ANGEL2: variants seen among roughly 807,000 people sequenced by gnomAD.
ANGEL2 encodes RNA 2',3'-cyclic phosphatase ANGEL2.
A neutral mutation model predicts 66.0 loss-of-function variants in ANGEL2; 41 were observed. That is an observed-to-expected ratio of 0.62 (90% confidence interval 0.48 to 0.81). ANGEL2 has a LOEUF of 0.81. ANGEL2 is among the 30% of genes least tolerant of loss of function. The pLI, the probability that ANGEL2 is intolerant of heterozygous loss-of-function variation, is 0.00. For synonymous variants in ANGEL2, 208 were observed against 226.5 expected, an observed-to-expected ratio of 0.92 and a Z score of 0.73; for missense variants, 561 against 641.6, an observed-to-expected ratio of 0.87 and a Z score of 1.36.
chr1:213,005,322 T>A lies in ANGEL2; in HGVS notation c.845A>T (p.Asp282Val). 1 of 1,614,218 alleles carries A rather than the reference T, an allele frequency of 6.2e-7. No homozygotes were observed. The highest frequency in any genetic ancestry group is 8.5e-7 in the Non-Finnish European group (1 of 1,180,040). ...EFFRPDISLL[D>V]RDNVGLVLLL... Reference sequence around the variant, plus strand: ...TAAAACTAATCCAACATTGTCTCTGTCCAACAGAGAAATATCAGGGCGGAA... The same window carrying A: ...TAAAACTAATCCAACATTGTCTCTGACCAACAGAGAAATATCAGGGCGGAA... Residue 282 changes from aspartate (D) to valine (V), a missense_variant, in exon 5 of 9, where the codon GAC becomes GTC. Physicochemically the swap from Asp to Val is radical, Grantham distance 152. Transcript: ENST00000366962.
chr1:213,003,990 G>A (rs1346436121), intron 5 of ANGEL2, among the ~76,000 whole-genome samples: 3 of 152,080 alleles, frequency 2.0e-5, no homozygotes, highest in African/African-American at 7.2e-5. Context: ...GGTCACCTAA[G>A]GTTGGGAGTT....
intron 2 of ANGEL2, among the ~76,000 whole-genome samples, chr1:213,009,553 A>G (rs1213282507): frequency 1.3e-5 from 2 of 152,202 alleles, no homozygotes; most frequent in African/African-American, 2.4e-5. Flanking sequence ...AATTCCACCA[A>G]TCAAAAATTA....
chr1:213,013,063 T>C (rs752654298), intron 2 of ANGEL2, 30 bp downstream of exon 2: 1 of 1,591,752 alleles, frequency 6.3e-7, no homozygotes, highest in Non-Finnish European at 8.6e-7. Flanking sequence ...CTTGTATCTA[T>C]TTCTACACCA....
rs1257009913 is a variant in ANGEL2, at chr1:213,005,151, T to C, written c.1016A>G (p.Lys339Arg). ...AACAATAGGGCAGAAGCTGCCATCT[T>C]TCTGGTGGGCAACACTGGAAATCTC... The part of the protein sequence containing the change: ...LAEISSVAHQ[K>R]DGSFCPIVMC... Residue 339 changes from lysine to arginine, a missense_variant, in exon 5 of 9, where the codon AAA (lysine) becomes AGA (arginine). By Grantham distance (26) the Lys-to-Arg change is conservative. Transcript: ENST00000366962. 6.2e-7 allele frequency: 1 copy of C among 1,614,206 alleles called. No individual in the cohort carries two copies. Among genetic ancestry groups the C allele is most frequent in the Non-Finnish European group, 8.5e-7 (1 of 1,180,036 alleles).
At chr1:213,010,200 C>G (rs1356800288) in intron 2 of ANGEL2, among the ~76,000 whole-genome samples, 1 of 152,134 alleles carries the variant, frequency 6.6e-6, no homozygotes. Context: ...AATCCTACCC[C>G]CAATGGCTCA....
At chr1:213,011,711 G>A (rs756602742) in intron 2 of ANGEL2, among the ~76,000 whole-genome samples, 6 of 152,174 alleles carry the variant, frequency 3.9e-5, no homozygotes, top group Non-Finnish European at 5.9e-5. Context: ...ATAATTAGTG[G>A]TGGGGCAGAA....
chr1:213,011,356 A>G, intron 2 of ANGEL2: 1 of 1,182,244 alleles, frequency 8.5e-7, no homozygotes, highest in East Asian at 6.5e-5. Context: ...CTTTAAAGTG[A>G]TAGGCAAGTT....
At chr1:213,004,547 G>A (rs2076265780) in intron 5 of ANGEL2, among the ~76,000 whole-genome samples, 2 of 151,434 alleles carry the variant, frequency 1.3e-5, no homozygotes, top group African/African-American at 4.9e-5. Context: ...AGATGAAAAA[G>A]ATATAAATCA....
At chr1:213,015,563 T>G in intron 1 of ANGEL2, 50 bp downstream of exon 1, 1 of 1,599,340 alleles carries the variant, frequency 6.3e-7, no homozygotes, top group Non-Finnish European at 8.5e-7. Flanking sequence ...GCCCGCTCTT[T>G]CAGGCCGCCC....
At chr1:213,010,428 C>T (rs1037951167) in intron 2 of ANGEL2, among the ~76,000 whole-genome samples, 8 of 151,968 alleles carry the variant, frequency 5.3e-5, no homozygotes, top group Non-Finnish European at 8.8e-5. Context: ...AAAATTTAGC[C>T]GGGCGTGGTG....
intron 5 of ANGEL2, among the ~76,000 whole-genome samples, chr1:213,004,519 C>G (rs886933600): frequency 2.6e-5 from 4 of 151,414 alleles, no homozygotes; most frequent in Non-Finnish European, 2.9e-5. Flanking sequence ...TTCCTCCAAG[C>G]AGTATGTTGC....
rs1384521972 is a variant in ANGEL2, at chr1:213,013,275, T to C, written c.203A>G (p.Tyr68Cys). ...PGHYSRAPYP[Y>C]FSSRHFSLNW... Reference sequence around the variant, plus strand: ...TAGTGAAAAATGCCTACTACTGAAGTATGGGTAAGGAGCTCGAGAGTAATG... The same window carrying C: ...TAGTGAAAAATGCCTACTACTGAAGCATGGGTAAGGAGCTCGAGAGTAATG... Residue 68 changes from tyrosine (Y) to cysteine (C), a missense_variant, in exon 2 of 9, where the codon TAC becomes TGC. By Grantham distance (194) the Tyr-to-Cys change is radical. Coordinates refer to ENST00000366962, the MANE Select transcript of ANGEL2 (RefSeq NM_144567.5). 10 of 1,612,326 alleles carry C rather than the reference T, an allele frequency of 6.2e-6. No individual in the cohort carries two copies. The South Asian group carries it at 1.1e-4, about 18-fold the overall frequency.
At chr1:213,002,890 C>T (rs991745406) in intron 5 of ANGEL2, among the ~76,000 whole-genome samples, 2 of 150,710 alleles carry the variant, frequency 1.3e-5, no homozygotes, top group Non-Finnish European at 2.9e-5. Flanking sequence ...TGCAGTCCAG[C>T]CTGGGCAACA....
rs77838701 is a variant in ANGEL2, at chr1:213,008,944, A to C, written c.386-478T>G. On this transcript the variant is annotated intron_variant, in intron 2 of 8. Transcript: ENST00000366962. ...TAACCAAGTTCCAGAAGCAACCCTTAGTTCAGAATTCTAGTTTATACATGA... is the reference window on the plus strand; with the variant it reads ...TAACCAAGTTCCAGAAGCAACCCTTCGTTCAGAATTCTAGTTTATACATGA... Among the ~76,000 whole-genome samples, 1,347 of 152,374 alleles carry C rather than the reference A, an allele frequency of 8.8e-3. 46 individuals carry two copies. Among genetic ancestry groups the C allele is most frequent in the East Asian group, 0.072 (372 of 5,194 alleles).
Position 212,993,378 on chromosome 1 carries a change from A to T in ANGEL2, c.*1663T>A, listed in dbSNP as rs1485563647. On this transcript the variant is annotated 3_prime_UTR_variant, in exon 9 of 9. Transcript: ENST00000366962. Reference sequence around the variant, plus strand: ...TTAAACATATTCAATTACAATTTTTACTAGACAAATCTTATAATCCACATG... The same window carrying T: ...TTAAACATATTCAATTACAATTTTTTCTAGACAAATCTTATAATCCACATG... The T allele has an allele frequency of 1.3e-5, 2 of 152,238 alleles. No individual in the cohort carries two copies. The highest frequency in any genetic ancestry group is 4.8e-5 in the African/African-American group (2 of 41,476). The allele number at this position is 152,238 out of a possible 1,614,324, so 9.4% of individuals were successfully genotyped here. A position where few individuals can be genotyped will look rare whatever the true frequency, so the allele number is the denominator to read the frequency against.
intron 4 of ANGEL2, among the ~76,000 whole-genome samples, chr1:213,006,278 G>A (rs894792398): frequency 2.6e-5 from 4 of 152,110 alleles, no homozygotes; most frequent in East Asian, 1.9e-4. Flanking sequence ...TGGCTAATAC[G>A]GTGAAACCCC....
chr1:213,002,920 A>AT (rs979447912), intron 5 of ANGEL2, among the ~76,000 whole-genome samples: 1 of 149,110 alleles, frequency 6.7e-6, no homozygotes, highest in African/African-American at 2.4e-5. Flanking sequence ...CCTGTCTCAA[A>AT]AAAAAAAAAA....
intron 7 of ANGEL2, among the ~76,000 whole-genome samples, chr1:212,999,877 A>T (rs2076132403): frequency 6.6e-6 from 1 of 152,226 alleles, no homozygotes; most frequent in African/African-American, 2.4e-5. Flanking sequence ...TTTGAGATTT[A>T]GTAAATCAAA....
At chr1:212,999,387 G>T (rs917812401) in intron 7 of ANGEL2, among the ~76,000 whole-genome samples, 10 of 152,128 alleles carry the variant, frequency 6.6e-5, no homozygotes, top group African/African-American at 2.4e-4. Flanking sequence ...TGTTAGATTA[G>T]CCTCCTTATT....
Sources: gnomAD v4.1 joint callset for allele counts (sites outside exome capture counted in the v4.1 genomes callset) on GRCh38, gnomAD v4.1.1 for gene constraint, MANE v1.5 for transcripts, NCBI Gene and HGNC (gene_info 2026-07-23, HGNC 2026-07-21) for gene names.